Variants in CCDC12 observed in about 807,000 individuals in gnomAD.
The protein encoded by CCDC12 is coiled-coil domain containing 12.
In CCDC12, 28 loss-of-function variants were observed where a neutral mutation model predicts 25.7. The observed-to-expected ratio is 1.09, with a 90% CI of 0.81 to 1.50. The LOEUF (loss-of-function observed/expected upper bound fraction) is 1.50. Ranked by LOEUF, CCDC12 falls within the 40% of genes most tolerant of loss-of-function variation. The pLI is 0.00. For missense variants in CCDC12, 198 were observed against 210.0 expected (o/e 0.94, Z 0.35); for synonymous variants, 75 against 87.7 (o/e 0.86, Z 0.81).
At chr3:46,957,654 A>G (rs2034332266) in intron 1 of CCDC12, among the ~76,000 whole-genome samples, 1 of 152,214 alleles carries the variant, frequency 6.6e-6, no homozygotes, top group African/African-American at 2.4e-5. Flanking sequence ...AAATATTAAA[A>G]GCTAGCCAGG....
intron 2 of CCDC12, among the ~76,000 whole-genome samples, chr3:46,934,614 C>T (rs373146826): frequency 6.6e-6 from 1 of 152,334 alleles, no homozygotes; most frequent in East Asian, 1.9e-4. Context: ...GCTCCTACCC[C>T]ACCCTACCCA....
intron 1 of CCDC12, among the ~76,000 whole-genome samples, chr3:46,960,240 G>T (rs545026004): frequency 1.3e-5 from 2 of 152,172 alleles, no homozygotes; most frequent in Admixed American, 1.3e-4. Context: ...GCACAGAGAG[G>T]CCTCAACAAT....
chr3:46,930,056 A>AAG (rs1295269502), intron 2 of CCDC12, among the ~76,000 whole-genome samples: 2 of 150,864 alleles, frequency 1.3e-5, no homozygotes, highest in African/African-American at 4.9e-5. Context: ...AAAAAAAAAA[A>AAG]AGAGATGGGG....
intron 1 of CCDC12, among the ~76,000 whole-genome samples, chr3:46,963,231 A>G (rs1416934387): frequency 6.6e-6 from 1 of 152,204 alleles, no homozygotes; most frequent in Non-Finnish European, 1.5e-5. Flanking sequence ...GACTGATGAC[A>G]TGGGCATGTT....
chr3:46,976,674 TC>T lies in CCDC12; in HGVS notation c.58del (p.Glu20AsnfsTer3). 6.2e-7 allele frequency: 1 copy of T among 1,610,606 alleles called. No homozygotes were observed. ...RLEEEALRRK[E>X]RLKALREKTG... The stretch of plus-strand genomic sequence containing the variant: ...TTTCTCCCGTAGGGCCTTCAGCCGT[TC>T]CTTTCGCCGCAACGCCTCTTCCTCT... On this transcript the variant is annotated frameshift_variant, in exon 1 of 7. Transcript: ENST00000683445. LOFTEE classifies it high-confidence loss of function.
chr3:46,966,987 A>T (rs1306608366), intron 1 of CCDC12, among the ~76,000 whole-genome samples: 1 of 151,870 alleles, frequency 6.6e-6, no homozygotes, highest in East Asian at 1.9e-4. Flanking sequence ...AGCGAGCCTC[A>T]GGGCACAGAA....
chr3:46,921,906 G>T lies in CCDC12; in HGVS notation c.*151C>A. 1 of 761,528 alleles carries T rather than the reference G, an allele frequency of 1.3e-6. No individual in the cohort carries two copies. Among genetic ancestry groups the T allele is most frequent in the Non-Finnish European group, 2.1e-6 (1 of 468,892 alleles). The allele number at this position is 761,528 out of a possible 1,614,324, so 47.2% of individuals were successfully genotyped here. Reference sequence around the variant, plus strand: ...GGGGCCACCCAGCAGACAAGGAGCTGACCTCATCCATGGGGGTTTCAGACT... The same window carrying T: ...GGGGCCACCCAGCAGACAAGGAGCTTACCTCATCCATGGGGGTTTCAGACT... On this transcript the variant is annotated 3_prime_UTR_variant, in exon 7 of 7. Coordinates refer to ENST00000683445, the MANE Select transcript of CCDC12 (RefSeq NM_001277074.2).
chr3:46,972,377 A>G (rs2034830560), intron 1 of CCDC12, among the ~76,000 whole-genome samples: 1 of 152,224 alleles, frequency 6.6e-6, no homozygotes, highest in Admixed American at 6.5e-5. Flanking sequence ...GGGAAAAAAT[A>G]TCACTAATCT....
intron 2 of CCDC12, 64 bp from the exon 3 acceptor site, chr3:46,925,599 TCATA>T: frequency 7.7e-7 from 1 of 1,305,200 alleles, no homozygotes; most frequent in Non-Finnish European, 1.1e-6. Context: ...ATTCATTCAT[TCATA>T]CAATTTGCAT....
intron 1 of CCDC12, among the ~76,000 whole-genome samples, chr3:46,946,792 G>T (rs2033924428): frequency 6.6e-6 from 1 of 152,222 alleles, no homozygotes; most frequent in South Asian, 2.1e-4. Context: ...TAAAATGAGG[G>T]CTGGGAACTG....
At chr3:46,979,300 C>T (rs559851920), upstream of CCDC12, among the ~76,000 whole-genome samples, 1 of 152,258 alleles carries the variant, frequency 6.6e-6, no homozygotes, top group Non-Finnish European at 1.5e-5. Context: ...AGAGTAGCAC[C>T]TGGCATTTGA....
chr3:46,944,527 A>C (rs940143315), intron 1 of CCDC12, among the ~76,000 whole-genome samples: 2 of 151,812 alleles, frequency 1.3e-5, no homozygotes, highest in Non-Finnish European at 2.9e-5. Context: ...GAGACCTTTA[A>C]ATCAGACTCA....
intron 2 of CCDC12, among the ~76,000 whole-genome samples, chr3:46,933,827 G>A (rs17079313): frequency 0.026 from 3,983 of 152,224 alleles, 193 homozygotes; most frequent in African/African-American, 0.089. Flanking sequence ...ATGAAAAAAT[G>A]TTACAAAACA....
intron 1 of CCDC12, among the ~76,000 whole-genome samples, chr3:46,950,117 C>T (rs140353501): frequency 2.0e-3 from 309 of 152,118 alleles, no homozygotes; most frequent in Non-Finnish European, 3.6e-3. Context: ...GGGCCTAATT[C>T]GAACCCTGGT....
rs1246521707 is a variant in CCDC12, at chr3:46,941,026, C to T, written c.136G>A (p.Glu46Lys). The T allele has an allele frequency of 1.9e-6, 3 of 1,614,214 alleles. No homozygotes were observed. The highest frequency in any genetic ancestry group is 2.5e-6 in the Non-Finnish European group (3 of 1,180,050). The stretch of plus-strand genomic sequence containing the variant: ...TGCTTCTCGCCTTCTTCCTCCTCTT[C>T]TCTGAGATGCTTGGTCTTTGGCTCC... ...DGEPKTKHLR[E>K]EEEEGEKHRE... Residue 46 changes from glutamate to lysine, a missense_variant, in exon 2 of 7, where the codon GAA becomes AAA. Glu to Lys is a moderately conservative substitution (Grantham distance 56). Coordinates refer to ENST00000683445, the MANE Select transcript of CCDC12 (RefSeq NM_001277074.2).
chr3:46,940,903 G>A, intron 2 of CCDC12, 95 bp downstream of exon 2: 2 of 1,183,184 alleles, frequency 1.7e-6, no homozygotes, highest in South Asian at 2.4e-5. Flanking sequence ...GAGGGAACAG[G>A]GCAGACACTG....
chr3:46,972,682 C>T (rs1263058075), intron 1 of CCDC12, among the ~76,000 whole-genome samples: 1 of 151,266 alleles, frequency 6.6e-6, no homozygotes, highest in East Asian at 1.9e-4. Context: ...ACTTGTAATC[C>T]TAGCATTTTT....
intron 2 of CCDC12, among the ~76,000 whole-genome samples, chr3:46,926,116 C>T (rs1388310210): frequency 6.6e-6 from 1 of 152,180 alleles, no homozygotes; most frequent in Non-Finnish European, 1.5e-5. Context: ...GGGCCAGGGG[C>T]ATGTGGCAGT....
At chr3:46,940,202 G>A (rs2033644278) in intron 2 of CCDC12, among the ~76,000 whole-genome samples, 1 of 152,164 alleles carries the variant, frequency 6.6e-6, no homozygotes, top group Non-Finnish European at 1.5e-5. Context: ...CCACACACTG[G>A]TTCCGGCAAC....
Sources: gnomAD v4.1 joint callset for allele counts (sites outside exome capture counted in the v4.1 genomes callset) on GRCh38, gnomAD v4.1.1 for gene constraint, MANE v1.5 for transcripts, NCBI Gene and HGNC (gene_info 2026-07-23, HGNC 2026-07-21) for gene names.